KCNE3: variants seen among roughly 807,000 people sequenced by gnomAD.
The protein encoded by KCNE3 is potassium voltage-gated channel subfamily E regulatory subunit 3, also known as potassium voltage-gated channel subfamily E member 3.
Under a neutral mutation model 4.3 loss-of-function variants are expected in KCNE3, and 2 were observed. The observed-to-expected ratio is 0.47, with a 90% confidence interval of 0.19 to 1.48. The LOEUF (loss-of-function observed/expected upper bound fraction) is 1.48, where lower values mean the gene tolerates loss of function less well. KCNE3 is among the 40% of genes most tolerant of loss of function. The probability of loss-of-function intolerance (pLI) is 0.25; values close to 1 mark genes in which losing one functional copy is unlikely to be tolerated. For synonymous variants in KCNE3, 47 were observed against 52.0 expected (o/e 0.90, Z 0.41); for missense variants, 128 against 136.8 (o/e 0.94, Z 0.32).
intron 2 of KCNE3, among the ~76,000 whole-genome samples, chr11:74,461,289 G>GT (rs71869411): frequency 2.7e-5 from 3 of 109,176 alleles, no homozygotes; most frequent in Non-Finnish European, 4.0e-5. Flanking sequence ...ATATTTTTAT[G>GT]TTTTGTGTGT....
rs1863836444 is a variant in KCNE3, at chr11:74,457,183, G to A, written c.*69C>T. The stretch of plus-strand genomic sequence containing the variant: ...ACACTGAGACCTGATGCAGTCCACA[G>A]CAGAGTTCTGGAGGCCCCAGACGCA... On this transcript the variant is annotated 3_prime_UTR_variant, in exon 3 of 3. Coordinates refer to ENST00000310128, the MANE Select transcript of KCNE3 (RefSeq NM_005472.5). The A allele has an allele frequency of 7.0e-7, 1 of 1,426,528 alleles. No homozygotes were observed. Among genetic ancestry groups the A allele is most frequent in the African/African-American group, 1.4e-5 (1 of 71,024 alleles). The allele number at this position is 1,426,528 out of a possible 1,614,324, so 88.4% of individuals were successfully genotyped here.
chr11:74,456,805 T>G lies in KCNE3; in HGVS notation c.*447A>C. 1 of 196,844 alleles carries G rather than the reference T, an allele frequency of 5.1e-6. No individual in the cohort carries two copies. The highest frequency in any genetic ancestry group is 1.1e-5 in the Non-Finnish European group (1 of 95,036). 12.2% of individuals were successfully genotyped at this position (196,844 alleles called of 1,614,324 possible). A position where few individuals can be genotyped will look rare whatever the true frequency, so the allele number is the denominator to read the frequency against. Reference sequence around the variant, plus strand: ...TTTCTTCACGGGAGCGGGGGCAGGGTGGTGGTGGTAAATCATATCTGTGAT... The same window carrying G: ...TTTCTTCACGGGAGCGGGGGCAGGGGGGTGGTGGTAAATCATATCTGTGAT... On this transcript the variant is annotated 3_prime_UTR_variant, in exon 3 of 3. Coordinates refer to ENST00000310128, the MANE Select transcript of KCNE3 (RefSeq NM_005472.5).
At chr11:74,465,905 A>G (rs776091350) in intron 1 of KCNE3, among the ~76,000 whole-genome samples, 1 of 152,138 alleles carries the variant, frequency 6.6e-6, no homozygotes, top group Non-Finnish European at 1.5e-5. Context: ...ATTACCAAGA[A>G]CAACCATCTC....
At position 74,455,197 on chromosome 11, in the gene KCNE3, A is replaced by G. The variant is rs777773780; in HGVS notation, c.*2055T>C. The G allele has an allele frequency of 5.3e-5, 8 of 152,240 alleles. No individual in the cohort carries two copies. Among genetic ancestry groups the G allele is most frequent in the Non-Finnish European group, 8.8e-5 (6 of 68,046 alleles). The allele number at this position is 152,240 out of a possible 1,614,324, so 9.4% of individuals were successfully genotyped here. Reference sequence around the variant, plus strand: ...ATAAATTTATCATGCGGAAAGGGAAAATCACCTATAACCCAATTCCTCAGA... The same window carrying G: ...ATAAATTTATCATGCGGAAAGGGAAGATCACCTATAACCCAATTCCTCAGA... On this transcript the variant is annotated 3_prime_UTR_variant, in exon 3 of 3. Transcript: ENST00000310128.
intron 1 of KCNE3, among the ~76,000 whole-genome samples, chr11:74,463,170 G>T (rs951855119): frequency 9.2e-5 from 14 of 152,304 alleles, no homozygotes; most frequent in Middle Eastern, 3.4e-3. Context: ...TGCAGAAGGT[G>T]GGGGAAGGGG....
chr11:74,460,782 G>A (rs1420449523), intron 2 of KCNE3, among the ~76,000 whole-genome samples: 2 of 152,162 alleles, frequency 1.3e-5, no homozygotes, highest in African/African-American at 4.8e-5. Flanking sequence ...CCATGGAATG[G>A]TATCTTAAAA....
chr11:74,465,102 C>CTCTG (rs1864031958), intron 1 of KCNE3, among the ~76,000 whole-genome samples: 1 of 150,048 alleles, frequency 6.7e-6, no homozygotes, highest in African/African-American at 2.5e-5. Context: ...TACTGAAACT[C>CTCTG]TGTGTGTGTG....
At chr11:74,458,360 T>C (rs1317284016) in intron 2 of KCNE3, among the ~76,000 whole-genome samples, 1 of 152,230 alleles carries the variant, frequency 6.6e-6, no homozygotes, top group Admixed American at 6.5e-5. Flanking sequence ...ACTGAGGCCT[T>C]GAGAGAATAA....
rs17221826 is a variant in KCNE3, at chr11:74,457,336, G to A, written c.228C>T (p.Ile76=). 80 of 1,614,202 alleles carry A rather than the reference G, an allele frequency of 5.0e-5. No homozygotes were observed. In the East Asian group the frequency reaches 1.7e-3, roughly 35 times the overall value. The part of the protein sequence containing the change: ...FLFAVTVGSL[I]LGYTRSRKVD... ...CTTTGCGGGAGCGGGTGTATCCCAG[G>A]ATGAGGCTGCCCACAGTTACAGCAA... The change falls in exon 3 of 3, where the codon ATC becomes ATT. Residue 76 remains isoleucine, a synonymous_variant. Coordinates refer to ENST00000310128, the MANE Select transcript of KCNE3 (RefSeq NM_005472.5).
chr11:74,460,623 A>C (rs769048515), intron 2 of KCNE3, among the ~76,000 whole-genome samples: 2 of 152,206 alleles, frequency 1.3e-5, no homozygotes, highest in Non-Finnish European at 2.9e-5. Flanking sequence ...AAATGTTTAG[A>C]AGAATGGAAA....
chr11:74,456,954 C>T lies in KCNE3; in HGVS notation c.*298G>A, dbSNP rs1183635806. ...TCTCCGTTCTCCAATCCCCAGGCCCCTAATACTCCAGCCACTGAACCAGTT... is the reference window on the plus strand; with the variant it reads ...TCTCCGTTCTCCAATCCCCAGGCCCTTAATACTCCAGCCACTGAACCAGTT... On this transcript the variant is annotated 3_prime_UTR_variant, in exon 3 of 3. Coordinates refer to ENST00000310128, the MANE Select transcript of KCNE3 (RefSeq NM_005472.5). 2.2e-6 allele frequency: 1 copy of T among 448,578 alleles called. No individual in the cohort carries two copies. Among genetic ancestry groups the T allele is most frequent in the East Asian group, 4.3e-5 (1 of 23,198 alleles). The allele number at this position is 448,578 out of a possible 1,614,324, so 27.8% of individuals were successfully genotyped here. A position where few individuals can be genotyped will look rare whatever the true frequency, so the allele number is the denominator to read the frequency against.
rs926774050 is a variant in KCNE3, at chr11:74,467,328, G to C, written c.-190+70C>G. Reference sequence around the variant, plus strand: ...GAGAGCGCGCCGTGGCCCTTGGAAGGGAGGCGGGAAGACCCCTCATTTCCA... The same window carrying C: ...GAGAGCGCGCCGTGGCCCTTGGAAGCGAGGCGGGAAGACCCCTCATTTCCA... On this transcript the variant is annotated intron_variant, in intron 1 of 2. Coordinates refer to ENST00000310128, the MANE Select transcript of KCNE3 (RefSeq NM_005472.5). The surrounding 1 kb of genome is among the most constrained non-coding windows in gnomAD (Gnocchi z 4.4). 2.6e-5 allele frequency: 4 copies of C among 152,682 alleles called. No individual in the cohort carries two copies. 9.5% of individuals were successfully genotyped at this position (152,682 alleles called of 1,614,324 possible).
chr11:74,457,892 G>A (rs1863859756), intron 2 of KCNE3, among the ~76,000 whole-genome samples: 2 of 152,164 alleles, frequency 1.3e-5, no homozygotes, highest in South Asian at 4.1e-4. Flanking sequence ...CCCTGCACCT[G>A]CTCTCTTGCC....
chr11:74,462,452 T>C (rs1383807536), intron 1 of KCNE3: 1 of 152,226 alleles, frequency 6.6e-6, no homozygotes, highest in African/African-American at 2.4e-5. Context: ...TTCCTAAGGG[T>C]TACCTTAGCA....
At chr11:74,465,603 C>T (rs1029570383) in intron 1 of KCNE3, among the ~76,000 whole-genome samples, 1 of 152,214 alleles carries the variant, frequency 6.6e-6, no homozygotes, top group African/African-American at 2.4e-5. Flanking sequence ...CACACACACA[C>T]ACAGTCCAAC....
chr11:74,465,001 T>G (rs1192083424), intron 1 of KCNE3, among the ~76,000 whole-genome samples: 2 of 152,216 alleles, frequency 1.3e-5, no homozygotes, highest in Non-Finnish European at 2.9e-5. Flanking sequence ...CTCCTGGGAC[T>G]CCTCCTTCCT....
chr11:74,457,316 C>T lies in KCNE3; in HGVS notation c.248G>A (p.Arg83His), dbSNP rs17215437. The change falls in exon 3 of 3, where the codon CGC becomes CAC. Residue 83 changes from arginine to histidine, a missense_variant. Arg to His is a conservative substitution (Grantham distance 29). Transcript: ENST00000310128. ...GGGGTCACTACGCTTGTCCACTTTG[C>T]GGGAGCGGGTGTATCCCAGGATGAG... ...GSLILGYTRS[R>H]KVDKRSDPYH... 4.8e-3 allele frequency: 7,692 copies of T among 1,614,148 alleles called. 33 individuals carry two copies. Among genetic ancestry groups the T allele is most frequent in the Non-Finnish European group, 5.9e-3 (6,911 of 1,180,010 alleles).
intron 1 of KCNE3, among the ~76,000 whole-genome samples, chr11:74,463,081 C>A (rs1863989256): frequency 6.6e-6 from 1 of 152,092 alleles, no homozygotes; most frequent in African/African-American, 2.4e-5. Flanking sequence ...CCCAGTCGAG[C>A]CAAACTGAGA....
Position 74,462,045 on chromosome 11 carries a change from G to A in KCNE3, c.-131C>T, listed in dbSNP as rs917054559. 3 of 152,382 alleles carry A rather than the reference G, an allele frequency of 2.0e-5. No homozygotes were observed. Among genetic ancestry groups the A allele is most frequent in the Middle Eastern group, 6.8e-3 (2 of 294 alleles). 9.4% of individuals were successfully genotyped at this position (152,382 alleles called of 1,614,324 possible). A position where few individuals can be genotyped will look rare whatever the true frequency, so the allele number is the denominator to read the frequency against. On this transcript the variant is annotated 5_prime_UTR_variant, in exon 2 of 3. Coordinates refer to ENST00000310128, the MANE Select transcript of KCNE3 (RefSeq NM_005472.5). ...CTCCTCCACCCCCGAGCCTCTTCAG[G>A]ATGTCTCTGGACACATCTGGGATCT...
Sources: allele counts gnomAD v4.1 joint callset (sites outside exome capture counted in the v4.1 genomes callset), GRCh38; gene constraint gnomAD v4.1.1; non-coding constraint Gnocchi (gnomAD v3.1); transcripts MANE v1.5; gene names NCBI Gene and HGNC (gene_info 2026-07-23, HGNC 2026-07-21).